The following WWOX variants were observed in gnomAD, a reference collection of about 807,000 sequenced individuals.
WWOX encodes WW domain-containing oxidoreductase.
WWOX carries 69 observed loss-of-function variants against 46.2 expected under a neutral mutation model. The observed-to-expected ratio is 1.49, with a 90% CI of 1.23 to 1.82. The LOEUF (loss-of-function observed/expected upper bound fraction) is 1.82. WWOX is among the 40% of genes most tolerant of loss of function. The pLI is 0.00. For missense variants in WWOX, 919 were observed against 542.6 expected, an observed-to-expected ratio of 1.69 and a Z score of -6.89; for synonymous variants, 359 against 202.6, an observed-to-expected ratio of 1.77 and a Z score of -6.56.
chr16:78,897,119 A>G (rs533680047), intron 8 of WWOX: 2 of 151,756 alleles, frequency 1.3e-5, no homozygotes, highest in Admixed American at 1.3e-4. Context: ...CCATTGTGAC[A>G]TATGCCTGTA....
rs183461269 is a variant in WWOX at position 78,874,287 on chromosome 16, G to A, written c.1057-337321G>A. 1.4e-4 allele frequency among the ~76,000 whole-genome samples: 21 copies of A among 150,494 alleles called. No individual in the cohort carries two copies. In the East Asian group the frequency reaches 2.0e-3, roughly 14 times the overall value. Reference sequence around the variant, plus strand: ...AAAAAAAAAAGCTTCCATTTGAGCCGCCAGGAAAGGAGGCCCTGAGTTGGG... The same window carrying A: ...AAAAAAAAAAGCTTCCATTTGAGCCACCAGGAAAGGAGGCCCTGAGTTGGG... On this transcript the variant is annotated intron_variant, in intron 8 of 8. Coordinates refer to ENST00000566780, the MANE Select transcript of WWOX (RefSeq NM_016373.4).
At chr16:79,109,132 C>G (rs1196075077) in intron 8 of WWOX, among the ~76,000 whole-genome samples, 1 of 151,942 alleles carries the variant, frequency 6.6e-6, no homozygotes, top group African/African-American at 2.4e-5. Flanking sequence ...TAAATGAGAA[C>G]AATATAGAGG....
At chr16:78,827,878 C>T (rs1567588372) in intron 8 of WWOX, among the ~76,000 whole-genome samples, 1 of 152,080 alleles carries the variant, frequency 6.6e-6, no homozygotes, top group African/African-American at 2.4e-5. Flanking sequence ...GGCCAGCAGC[C>T]AGTGTTGTTA....
intron 8 of WWOX, among the ~76,000 whole-genome samples, chr16:78,799,027 C>G (rs992713652): frequency 6.6e-6 from 1 of 152,166 alleles, no homozygotes; most frequent in East Asian, 1.9e-4. Flanking sequence ...CGGTGGGATG[C>G]ATTTCATTTA....
chr16:78,835,081 G>A (rs1008517749), intron 8 of WWOX, among the ~76,000 whole-genome samples: 1 of 152,082 alleles, frequency 6.6e-6, no homozygotes, highest in Non-Finnish European at 1.5e-5. Context: ...AGAGGTGGAG[G>A]AGGAAGCTCC....
chr16:78,955,258 T>C (rs2046141758), intron 8 of WWOX, among the ~76,000 whole-genome samples: 1 of 152,166 alleles, frequency 6.6e-6, no homozygotes, highest in South Asian at 2.1e-4. Flanking sequence ...TCTTCACAGA[T>C]GGACCTCCAC....
rs547913505 is a variant in WWOX at position 79,022,939 on chromosome 16, A to C, written c.1057-188669A>C. Among the ~76,000 whole-genome samples, 5 of 152,348 alleles carry C rather than the reference A, an allele frequency of 3.3e-5. No homozygotes were observed. In the East Asian group the frequency reaches 9.7e-4, roughly 29 times the overall value. On this transcript the variant is annotated intron_variant, in intron 8 of 8. Transcript: ENST00000566780. ...TACTCAGCTGAAAAATGCATCTGCT[A>C]ATAATACCTATGGCATAGGGTTTGG...
In WWOX at chr16:79,212,439, T is replaced by TAGAG. The variant is rs200479792; in HGVS notation, c.*645_*648dup. ...TGCTAATGCTATGCAAAAAATTCTT[T>TAGAG]AGAGATTATAACAAATTTTTCAAAT... On this transcript the variant is annotated 3_prime_UTR_variant, in exon 9 of 9. Transcript: ENST00000566780. The TAGAG allele has an allele frequency of 0.013, 3,689 of 282,652 alleles. 30 individuals are homozygous for TAGAG. Among genetic ancestry groups the TAGAG allele is most frequent in the Middle Eastern group, 0.038 (34 of 884 alleles). The allele number at this position is 282,652 out of a possible 1,614,324, so 17.5% of individuals were successfully genotyped here.
At chr16:78,786,338 T>C (rs898819790) in intron 8 of WWOX, among the ~76,000 whole-genome samples, 4 of 152,210 alleles carry the variant, frequency 2.6e-5, no homozygotes, top group South Asian at 2.1e-4. Context: ...TTTTAAGTTA[T>C]AAATATGAGA....
intron 8 of WWOX, among the ~76,000 whole-genome samples, chr16:78,796,993 T>A (rs369513807): frequency 6.6e-6 from 1 of 152,028 alleles, no homozygotes; most frequent in Non-Finnish European, 1.5e-5. Flanking sequence ...GCCTGGCTAA[T>A]TTTTGTATTT....
chr16:78,761,206 T>C (rs2142489012), intron 8 of WWOX, among the ~76,000 whole-genome samples: 1 of 152,310 alleles, frequency 6.6e-6, no homozygotes, highest in Non-Finnish European at 1.5e-5. Flanking sequence ...CCAAATATAG[T>C]TAATGGCCTC....
intron 7 of WWOX, among the ~76,000 whole-genome samples, chr16:78,430,465 C>G (rs1394710037): frequency 6.6e-6 from 1 of 152,168 alleles, no homozygotes; most frequent in African/African-American, 2.4e-5. Context: ...AGATAATTAT[C>G]CACAGGCTTT....
At chr16:79,095,109 G>GAT (rs1453723907) in intron 8 of WWOX, among the ~76,000 whole-genome samples, 5 of 152,148 alleles carry the variant, frequency 3.3e-5, no homozygotes, top group African/African-American at 1.2e-4. Flanking sequence ...CTATTGCAAA[G>GAT]GAGGCTTCTC....
At chr16:79,045,260 T>A (rs1274238498) in intron 8 of WWOX, among the ~76,000 whole-genome samples, 2 of 152,228 alleles carry the variant, frequency 1.3e-5, no homozygotes, top group Non-Finnish European at 2.9e-5. Context: ...GGTACAGAAT[T>A]AAATATGCAG....
rs374098993 is a variant in WWOX at position 78,497,321 on chromosome 16, A to G, written c.1056+64569A>G. On this transcript the variant is annotated intron_variant, in intron 8 of 8. Coordinates refer to ENST00000566780, the MANE Select transcript of WWOX (RefSeq NM_016373.4). ...ACACCATATAGAAAAATCAACTCAA[A>G]GTGGATTGGAGACTTAAACATAAGA... Among the ~76,000 whole-genome samples, 9 of 152,360 alleles carry G rather than the reference A, an allele frequency of 5.9e-5. No individual in the cohort carries two copies. In the South Asian group the frequency reaches 1.0e-3, roughly 18 times the overall value.
At chr16:79,211,444 T>G (rs1485759095) in intron 8 of WWOX, among the ~76,000 whole-genome samples, 164 bp from the exon 9 acceptor site, 1 of 152,184 alleles carries the variant, frequency 6.6e-6, no homozygotes. Flanking sequence ...ACATTATACT[T>G]TTTACAGTCA....
Position 78,970,663 on chromosome 16 carries a change from G to C in WWOX, c.1057-240945G>C, listed in dbSNP as rs185386301. ...GTAATGCCAGAATCATGAGAAATTTGCTGAGAATTCATTTGAGGCCATAAT... is the reference window on the plus strand; with the variant it reads ...GTAATGCCAGAATCATGAGAAATTTCCTGAGAATTCATTTGAGGCCATAAT... On this transcript the variant is annotated intron_variant, in intron 8 of 8. Coordinates refer to ENST00000566780, the MANE Select transcript of WWOX (RefSeq NM_016373.4). Among the ~76,000 whole-genome samples, 45 of 152,244 alleles carry C rather than the reference G, an allele frequency of 3.0e-4. 2 individuals are homozygous for C. The highest frequency in any genetic ancestry group is 3.4e-3 in the Middle Eastern group (1 of 294).
intron 8 of WWOX, among the ~76,000 whole-genome samples, chr16:79,148,573 C>A (rs1567582480): frequency 6.6e-6 from 1 of 152,024 alleles, no homozygotes; most frequent in Non-Finnish European, 1.5e-5. Flanking sequence ...ATAAATTGTA[C>A]AATATGGTTG....
chr16:79,030,612 A>C (rs950097371), intron 8 of WWOX, among the ~76,000 whole-genome samples: 1 of 152,228 alleles, frequency 6.6e-6, no homozygotes, highest in Non-Finnish European at 1.5e-5. Flanking sequence ...TTCTCCAAAG[A>C]TTAGACACCC....
Sources: allele counts gnomAD v4.1 joint callset (sites outside exome capture counted in the v4.1 genomes callset), GRCh38; gene constraint gnomAD v4.1.1; transcripts MANE v1.5; gene names NCBI Gene and HGNC (gene_info 2026-07-23, HGNC 2026-07-21).